Variants in COL5A1 observed in about 807,000 individuals in gnomAD.
COL5A1 encodes the protein collagen type V alpha 1 chain.
Under a neutral mutation model 263.7 loss-of-function variants are expected in COL5A1, and 16 were observed. That is an observed-to-expected ratio of 0.06 (90% CI 0.04 to 0.09). COL5A1 has a LOEUF of 0.09. COL5A1 is among the 10% of genes least tolerant of loss of function. The pLI, the probability that COL5A1 is intolerant of heterozygous loss-of-function variation, is 1.00. For missense variants in COL5A1, 2,036 were observed against 2,540.5 expected (o/e 0.80, Z 4.27); for synonymous variants, 1,012 against 1,004.5 (o/e 1.01, Z -0.14).
chr9:134,760,040 A>T (rs28972685), intron 18 of COL5A1, among the ~76,000 whole-genome samples: 3 of 91,078 alleles, frequency 3.3e-5, no homozygotes, highest in Non-Finnish European at 5.8e-5. Context: ...GCACACACGC[A>T]CATACACACC....
intron 4 of COL5A1, among the ~76,000 whole-genome samples, chr9:134,718,931 G>A (rs531168092): frequency 1.3e-5 from 2 of 152,322 alleles, no homozygotes; most frequent in African/African-American, 2.4e-5. Flanking sequence ...CTCTTTTGCC[G>A]AGGCGTGAGG....
At chr9:134,833,229 G>A (rs573229216) in intron 64 of COL5A1, among the ~76,000 whole-genome samples, 120 of 152,344 alleles carry the variant, frequency 7.9e-4, no homozygotes, top group African/African-American at 2.7e-3. Context: ...GATGTCCCCT[G>A]GAAGTGTCAG....
At position 134,809,005 on chromosome 9, in the gene COL5A1, G is replaced by T. The variant is rs755833343; in HGVS notation, c.3367-178G>T. 2.4e-4 allele frequency: 162 copies of T among 668,324 alleles called. 1 individual carries two copies. Among genetic ancestry groups the T allele is most frequent in the Middle Eastern group, 8.8e-4 (3 of 3,428 alleles). 41.4% of individuals were successfully genotyped at this position (668,324 alleles called of 1,614,324 possible). A position where few individuals can be genotyped will look rare whatever the true frequency, so the allele number is the denominator to read the frequency against. On this transcript the variant is annotated intron_variant, in intron 42 of 65. Transcript: ENST00000371817. Reference sequence around the variant, plus strand: ...GATGCACCAGAAGTTCATGGTCCAGGGGCGGGCTCAGAGTCGGCCCTCAGT... The same window carrying T: ...GATGCACCAGAAGTTCATGGTCCAGTGGCGGGCTCAGAGTCGGCCCTCAGT...
Position 134,812,730 on chromosome 9 carries a change from T to C in COL5A1, c.3852+18T>C. The C allele has an allele frequency of 1.3e-6, 2 of 1,507,928 alleles. No homozygotes were observed. The highest frequency in any genetic ancestry group is 1.8e-6 in the Non-Finnish European group (2 of 1,105,238). The allele number at this position is 1,507,928 out of a possible 1,614,324, so 93.4% of individuals were successfully genotyped here. A position where few individuals can be genotyped will look rare whatever the true frequency, so the allele number is the denominator to read the frequency against. ...GAGAGAAGGTGAGGCTCGTGCCTGC[T>C]CTGGTGGCAGATTTGCGGTTGTTTG... On this transcript the variant is annotated intron_variant, in intron 48 of 65. Coordinates refer to ENST00000371817, the MANE Select transcript of COL5A1 (RefSeq NM_000093.5).
chr9:134,829,529 GCTC>G (rs71909864), intron 63 of COL5A1, among the ~76,000 whole-genome samples: 13,651 of 112,340 alleles, frequency 0.12, no homozygotes, highest in African/African-American at 0.26. Context: ...CTGGGGCCAG[GCTC>G]CTCCTCACGC....
At chr9:134,786,283 G>A (rs969225273) in intron 31 of COL5A1, among the ~76,000 whole-genome samples, 5 of 152,166 alleles carry the variant, frequency 3.3e-5, no homozygotes, top group South Asian at 2.1e-4. Flanking sequence ...ATGCTCCACC[G>A]GCCGTCTCCA....
intron 42 of COL5A1, among the ~76,000 whole-genome samples, chr9:134,808,566 C>G (rs7030715): frequency 1.3e-5 from 2 of 149,190 alleles, no homozygotes; most frequent in African/African-American, 2.6e-5. Flanking sequence ...CATATTCACA[C>G]GTGTGCACAT....
At chr9:134,668,212 A>G (rs1054947802) in intron 1 of COL5A1, among the ~76,000 whole-genome samples, 1 of 152,236 alleles carries the variant, frequency 6.6e-6, no homozygotes, top group Non-Finnish European at 1.5e-5. Context: ...GCCATTTCAC[A>G]TGGTTCAATC....
intron 32 of COL5A1, among the ~76,000 whole-genome samples, chr9:134,793,942 G>A (rs1837806530): frequency 6.6e-6 from 1 of 152,188 alleles, no homozygotes. Context: ...AAGCAGTTTT[G>A]ACTCTGGCAG....
rs547817958 is a variant in COL5A1 at position 134,759,477 on chromosome 9, C to CCA, written c.1935+1189_1935+1190dup. On this transcript the variant is annotated intron_variant, in intron 18 of 65. Transcript: ENST00000371817. ...CACTCATACATGCACGCACACACAC[C>CCA]CACACACACCCACACTCATACACAC... 5.6e-3 allele frequency among the ~76,000 whole-genome samples: 578 copies of CCA among 102,792 alleles called. 26 individuals carry two copies. The highest frequency in any genetic ancestry group is 0.025 in the South Asian group (73 of 2,970). 67.4% of individuals were successfully genotyped at this position (102,792 alleles called of 152,430 possible).
chr9:134,815,109 G>A (rs1838690881), intron 50 of COL5A1, among the ~76,000 whole-genome samples: 1 of 152,248 alleles, frequency 6.6e-6, no homozygotes, highest in Non-Finnish European at 1.5e-5. Context: ...TGGACTGGAG[G>A]AGAAAGCCCT....
intron 24 of COL5A1, among the ~76,000 whole-genome samples, chr9:134,767,753 C>A (rs984840044): frequency 6.6e-6 from 1 of 152,250 alleles, no homozygotes; most frequent in Non-Finnish European, 1.5e-5. Flanking sequence ...CCAGAGCCTA[C>A]TGTGTCCTAG....
rs573552408 is a variant in COL5A1 at position 134,715,947 on chromosome 9, G to A, written c.655-11319G>A. On this transcript the variant is annotated intron_variant, in intron 4 of 65. Coordinates refer to ENST00000371817, the MANE Select transcript of COL5A1 (RefSeq NM_000093.5). ...GATGATAGTGGTGGTGGTGATGCTGGTGATGGTAGTGATGAAGATGATGGT... is the reference window on the plus strand; with the variant it reads ...GATGATAGTGGTGGTGGTGATGCTGATGATGGTAGTGATGAAGATGATGGT... 1.2e-3 allele frequency among the ~76,000 whole-genome samples: 178 copies of A among 151,412 alleles called. 1 individual carries two copies. The highest frequency in any genetic ancestry group is 4.1e-3 in the African/African-American group (171 of 41,326).
At chr9:134,714,050 GT>G (rs1170590274) in intron 4 of COL5A1, among the ~76,000 whole-genome samples, 4 of 152,202 alleles carry the variant, frequency 2.6e-5, no homozygotes, top group Non-Finnish European at 4.4e-5. Flanking sequence ...TGCCTCCCAA[GT>G]CTTCTCCCTT....
chr9:134,659,390 A>G (rs1832131173), intron 1 of COL5A1, among the ~76,000 whole-genome samples: 1 of 152,172 alleles, frequency 6.6e-6, no homozygotes, highest in Non-Finnish European at 1.5e-5. Context: ...ATCTCAAAAC[A>G]ATAATAATAA....
In COL5A1 at chr9:134,815,746, A is replaced by G. The variant is rs148792483; in HGVS notation, c.4068+117A>G. ...TGATGAACTCCCACTGGGGCAGGCAATGTCCCAAAAGGCACTCGTGTTCCG... is the reference window on the plus strand; with the variant it reads ...TGATGAACTCCCACTGGGGCAGGCAGTGTCCCAAAAGGCACTCGTGTTCCG... On this transcript the variant is annotated intron_variant, in intron 51 of 65. Transcript: ENST00000371817. The G allele has an allele frequency of 2.3e-3, 3,077 of 1,314,396 alleles. 18 individuals are homozygous for G. Among genetic ancestry groups the G allele is most frequent in the African/African-American group, 0.016 (1,091 of 68,924 alleles). 81.4% of individuals were successfully genotyped at this position (1,314,396 alleles called of 1,614,324 possible). A position where few individuals can be genotyped will look rare whatever the true frequency, so the allele number is the denominator to read the frequency against.
rs1839797629 is a variant in COL5A1 at position 134,835,013 on chromosome 9, C to T, written c.5179C>T (p.Gln1727Ter). 6.2e-7 allele frequency: 1 copy of T among 1,613,698 alleles called. No homozygotes were observed. Residue 1727 changes from glutamine (Q) to a stop codon, truncating the protein, a stop_gained, in exon 65 of 66, where the codon CAG becomes TAG. Transcript: ENST00000371817. LOFTEE classifies it high-confidence loss of function. Reference sequence around the variant, plus strand: ...CGAGGGCAACCCTGTGGGTGTGGTACAGATGACCTTCCTGCGGCTGCTGAG... The same window carrying T: ...CGAGGGCAACCCTGTGGGTGTGGTATAGATGACCTTCCTGCGGCTGCTGAG... ...DAEGNPVGVV[Q>*]MTFLRLLSAS...
chr9:134,719,669 A>G (rs941300860), intron 4 of COL5A1, among the ~76,000 whole-genome samples: 3 of 152,158 alleles, frequency 2.0e-5, no homozygotes, highest in African/African-American at 7.2e-5. Context: ...GCGGCACATC[A>G]TGCTCCATAT....
At chr9:134,672,210 T>C (rs1305587843) in intron 1 of COL5A1, among the ~76,000 whole-genome samples, 2 of 152,260 alleles carry the variant, frequency 1.3e-5, no homozygotes, top group African/African-American at 4.8e-5. Flanking sequence ...TGGCATTTAT[T>C]ATTCCATTCA....
Sources: gnomAD v4.1 joint callset for allele counts (sites outside exome capture counted in the v4.1 genomes callset) on GRCh38, gnomAD v4.1.1 for gene constraint, MANE v1.5 for transcripts, NCBI Gene and HGNC (gene_info 2026-07-23, HGNC 2026-07-21) for gene names.